ABCA6: variants seen among roughly 807,000 people sequenced by gnomAD.
ABCA6 encodes the protein ATP binding cassette subfamily A member 6, also known as ATP-binding cassette sub-family A member 6.
Under a neutral mutation model 191.2 loss-of-function variants are expected in ABCA6, and 164 were observed. That is an observed-to-expected ratio of 0.86 (90% confidence interval 0.76 to 0.98). The LOEUF (loss-of-function observed/expected upper bound fraction) is 0.98, where lower values mean the gene tolerates loss of function less well. ABCA6 is among the 50% of genes least tolerant of loss of function. The pLI is 0.00. For synonymous variants in ABCA6, 636 were observed against 647.7 expected (o/e 0.98, Z 0.27); for missense variants, 1,958 against 1,894.1 (o/e 1.03, Z -0.63).
At chr17:69,090,739 A>G (rs977340040) in intron 26 of ABCA6, among the ~76,000 whole-genome samples, 3 of 152,196 alleles carry the variant, frequency 2.0e-5, no homozygotes, top group Admixed American at 6.5e-5. Context: ...GATTGAATGG[A>G]ATCGCATATG....
chr17:69,129,763 C>T lies in ABCA6; in HGVS notation c.792-12G>A, dbSNP rs752037033. On this transcript the variant is annotated splice_polypyrimidine_tract_variant and intron_variant, in intron 6 of 38. Coordinates refer to ENST00000284425, the MANE Select transcript of ABCA6 (RefSeq NM_080284.3). ...GACCCCAGGAGAGCCTAAATAAAGA[C>T]AAAAAGTTATATAAATTATGTTAAC... is the stretch of plus-strand genomic sequence containing the variant. The T allele has an allele frequency of 5.8e-6, 9 of 1,551,794 alleles. No homozygotes were observed. In the Admixed American group the frequency reaches 1.3e-4, roughly 22 times the overall value.
rs1568041709 is a variant in ABCA6, at chr17:69,141,861, G to T, written c.-162C>A. The T allele has an allele frequency of 2.0e-5, 3 of 152,016 alleles. No individual in the cohort carries two copies. The highest frequency in any genetic ancestry group is 4.4e-5 in the Non-Finnish European group (3 of 67,994). 9.4% of individuals were successfully genotyped at this position (152,016 alleles called of 1,614,324 possible). A position where few individuals can be genotyped will look rare whatever the true frequency, so the allele number is the denominator to read the frequency against. ...TTCTTCATTTTTTCTTTAAATGGGT[G>T]CCTACTCCAGCAGCTCTTACACAGC... On this transcript the variant is annotated 5_prime_UTR_variant, in exon 1 of 39. Coordinates refer to ENST00000284425, the MANE Select transcript of ABCA6 (RefSeq NM_080284.3).
chr17:69,099,491 C>T (rs1388648367), intron 22 of ABCA6: 2 of 152,742 alleles, frequency 1.3e-5, no homozygotes, highest in Non-Finnish European at 2.9e-5. Flanking sequence ...ACACATAATT[C>T]AGGCCTGAGC....
intron 29 of ABCA6, 144 bp downstream of exon 29, chr17:69,087,209 A>C: frequency 4.0e-6 from 4 of 995,096 alleles, no homozygotes; most frequent in Non-Finnish European, 5.8e-6. Context: ...GATTATGCAG[A>C]TACTTCTTTG....
rs758877204 is a variant in ABCA6 at position 69,107,686 on chromosome 17, A to G, written c.2389+10T>C. On this transcript the variant is annotated intron_variant, in intron 18 of 38. Coordinates refer to ENST00000284425, the MANE Select transcript of ABCA6 (RefSeq NM_080284.3). The stretch of plus-strand genomic sequence containing the variant: ...AATTGGTTTTCTGTGAATTATACAA[A>G]TGGCTTTACCTTGTTCGATAGTTGA... The G allele has an allele frequency of 5.9e-6, 9 of 1,538,078 alleles. No individual in the cohort carries two copies. The highest frequency in any genetic ancestry group is 5.6e-5 in the Admixed American group (3 of 53,836).
Position 69,107,746 on chromosome 17 carries a change from G to A in ABCA6, c.2339C>T (p.Thr780Ile), listed in dbSNP as rs2073336023. The A allele has an allele frequency of 1.9e-6, 3 of 1,613,108 alleles. No homozygotes were observed. Among genetic ancestry groups the A allele is most frequent in the Non-Finnish European group, 2.5e-6 (3 of 1,179,416 alleles). ...GVTGYDISMS[T>I]LNEVFMKLEG... ...CAGTTTCATAAAGACTTCATTTAGA[G>A]TTGACATGGAAATGTCATAACCTGT... The change falls in exon 18 of 39, where the codon ACT (threonine) becomes ATT (isoleucine). Residue 780 changes from threonine to isoleucine, a missense_variant. Coordinates refer to ENST00000284425, the MANE Select transcript of ABCA6 (RefSeq NM_080284.3).
intron 10 of ABCA6, among the ~76,000 whole-genome samples, chr17:69,119,661 C>G (rs943583308): frequency 2.0e-5 from 3 of 152,034 alleles, no homozygotes; most frequent in Non-Finnish European, 4.4e-5. Flanking sequence ...GTCAGGATCA[C>G]CAAACCACCA....
At chr17:69,123,470 TG>T in intron 9 of ABCA6, 63 bp from the exon 10 acceptor site, 1 of 1,196,156 alleles carries the variant, frequency 8.4e-7, no homozygotes, top group Non-Finnish European at 1.1e-6. Flanking sequence ...AAAGAAGCCT[TG>T]CTAACAACAA....
chr17:69,122,789 A>G (rs1410463684), intron 10 of ABCA6, among the ~76,000 whole-genome samples: 1 of 151,878 alleles, frequency 6.6e-6, no homozygotes, highest in Non-Finnish European at 1.5e-5. Context: ...AACAAGGAGG[A>G]TTTTCCTTTC....
chr17:69,096,325 G>T lies in ABCA6; in HGVS notation c.3323C>A (p.Ser1108Tyr), dbSNP rs1476285008. The T allele has an allele frequency of 6.6e-7, 1 of 1,509,518 alleles. No individual in the cohort carries two copies. Among genetic ancestry groups the T allele is most frequent in the South Asian group, 1.4e-5 (1 of 72,438 alleles). The allele number at this position is 1,509,518 out of a possible 1,614,324, so 93.5% of individuals were successfully genotyped here. A position where few individuals can be genotyped will look rare whatever the true frequency, so the allele number is the denominator to read the frequency against. ...TATCATATATATGAAGAAGACAAGA[G>T]AAGCTGCATAACCAGGAGTAACTAT... Reference protein sequence around the residue: ...LVIVTPGYAASLVFFIYMISF... With the variant: ...LVIVTPGYAAYLVFFIYMISF... The change falls in exon 25 of 39, where the codon TCT (serine) becomes TAT (tyrosine). Residue 1108 changes from serine to tyrosine, a missense_variant. Coordinates refer to ENST00000284425, the MANE Select transcript of ABCA6 (RefSeq NM_080284.3).
intron 26 of ABCA6, 43 bp downstream of exon 26, chr17:69,091,100 C>A: frequency 6.3e-7 from 1 of 1,583,540 alleles, no homozygotes; most frequent in Non-Finnish European, 8.6e-7. Flanking sequence ...CTTTAATAAG[C>A]TACATATTCA....
intron 8 of ABCA6, 132 bp downstream of exon 8, chr17:69,128,487 C>A: frequency 1.8e-6 from 1 of 564,150 alleles, no homozygotes; most frequent in Non-Finnish European, 2.7e-6. Context: ...GTAATAATAA[C>A]ATTTTAAAGC....
intron 17 of ABCA6, chr17:69,108,852 G>T (rs2073360865): frequency 6.6e-6 from 1 of 152,232 alleles, no homozygotes; most frequent in Non-Finnish European, 1.5e-5. Context: ...CCTTGGGTCT[G>T]TGTAAAGAGG....
chr17:69,115,315 A>G, intron 12 of ABCA6, 61 bp downstream of exon 12: 2 of 1,212,880 alleles, frequency 1.6e-6, no homozygotes, highest in Non-Finnish European at 2.3e-6. Flanking sequence ...AATGAGAGGC[A>G]TATGCTTGAC....
chr17:69,135,701 A>G (rs1485258863), intron 4 of ABCA6: 2 of 309,408 alleles, frequency 6.5e-6, no homozygotes, highest in Non-Finnish European at 1.2e-5. Flanking sequence ...TCATTTCCCC[A>G]GGTAGGACTT....
intron 16 of ABCA6, 95 bp from the exon 17 acceptor site, chr17:69,111,035 T>C (rs2073413178): frequency 1.7e-6 from 2 of 1,204,520 alleles, no homozygotes; most frequent in Non-Finnish European, 1.1e-6. Context: ...TGAGCACAAC[T>C]TTACTTGGCT....
Position 69,129,681 on chromosome 17 carries a change from A to G in ABCA6, c.862T>C (p.Phe288Leu), listed in dbSNP as rs1339876158. 1 of 1,603,954 alleles carries G rather than the reference A, an allele frequency of 6.2e-7. No individual in the cohort carries two copies. Among genetic ancestry groups the G allele is most frequent in the East Asian group, 2.2e-5 (1 of 44,728 alleles). ...CCAGTCATGACTATAATTTGGGTGA[A>G]TGTTATGATAATTGTAACGAATATG... ...ISIFVTIIIT[F>L]TQIIVMTGFM... Residue 288 changes from phenylalanine (F) to leucine (L), a missense_variant, in exon 7 of 39, where the codon TTC becomes CTC. By Grantham distance (22) the Phe-to-Leu change is conservative. Transcript: ENST00000284425.
At chr17:69,113,452 A>G (rs2073472145) in intron 14 of ABCA6, 92 bp from the exon 15 acceptor site, 2 of 1,515,786 alleles carry the variant, frequency 1.3e-6, no homozygotes, top group African/African-American at 2.8e-5. Context: ...CCATAAAATA[A>G]TAACCATCCA....
intron 10 of ABCA6, 119 bp from the exon 11 acceptor site, chr17:69,118,075 G>T: frequency 1.6e-6 from 1 of 627,910 alleles, no homozygotes; most frequent in Non-Finnish European, 2.8e-6. Flanking sequence ...ATAAGGGATG[G>T]CATAAACAGT....
Sources: allele counts gnomAD v4.1 joint callset (sites outside exome capture counted in the v4.1 genomes callset), GRCh38; gene constraint gnomAD v4.1.1; transcripts MANE v1.5; gene names NCBI Gene and HGNC (gene_info 2026-07-23, HGNC 2026-07-21).